ZNF521: variants seen among roughly 807,000 people sequenced by gnomAD.
ZNF521 encodes zinc finger protein 521, also known as LYST-interacting protein 3.
A neutral mutation model predicts 105.5 loss-of-function variants in ZNF521; 14 were observed. The observed-to-expected ratio is 0.13, with a 90% CI of 0.09 to 0.21. The LOEUF is 0.21. ZNF521 is among the 10% of genes least tolerant of loss of function. ZNF521 has a pLI of 1.00. For missense variants in ZNF521, 1,233 were observed against 1,629.7 expected, an observed-to-expected ratio of 0.76 and a Z score of 4.19; for synonymous variants, 635 against 606.0, an observed-to-expected ratio of 1.05 and a Z score of -0.70.
intron 4 of ZNF521, among the ~76,000 whole-genome samples, chr18:25,221,248 T>C (rs755504985): frequency 3.3e-5 from 5 of 152,226 alleles, no homozygotes; most frequent in Admixed American, 2.0e-4. Flanking sequence ...CTCTATTACA[T>C]AACAGCTACC....
intron 5 of ZNF521, among the ~76,000 whole-genome samples, chr18:25,103,713 C>T (rs1040213805): frequency 1.4e-5 from 2 of 143,968 alleles, no homozygotes; most frequent in Non-Finnish European, 3.0e-5. Flanking sequence ...CAAGAGCTAT[C>T]TAAGTGAGAC....
intron 3 of ZNF521, among the ~76,000 whole-genome samples, chr18:25,250,235 A>G (rs1357745450): frequency 4.6e-5 from 7 of 151,926 alleles, no homozygotes; most frequent in South Asian, 2.1e-4. Flanking sequence ...TTCAAGTTAC[A>G]TAATCTCACA....
At chr18:25,077,722 T>C (rs1351522116) in intron 7 of ZNF521, among the ~76,000 whole-genome samples, 1 of 152,206 alleles carries the variant, frequency 6.6e-6, no homozygotes, top group African/African-American at 2.4e-5. Flanking sequence ...TTTTTCATTC[T>C]GTCATTATAA....
rs758724829 is a variant in ZNF521, at chr18:25,117,810, G to A, written c.3659-25729C>T. The stretch of plus-strand genomic sequence containing the variant: ...GTAGTTTTAATGTGAGAAAGAAAAC[G>A]GGAAAAAATAATAGTTTAAAAAATA... On this transcript the variant is annotated intron_variant, in intron 5 of 7. Transcript: ENST00000361524. Among the ~76,000 whole-genome samples the A allele has an allele frequency of 7.2e-5, 11 of 151,762 alleles. No homozygotes were observed. The South Asian group carries it at 8.3e-4, about 11-fold the overall frequency.
intron 5 of ZNF521, among the ~76,000 whole-genome samples, chr18:25,161,622 G>A (rs1277083956): frequency 6.6e-6 from 1 of 152,156 alleles, no homozygotes; most frequent in Non-Finnish European, 1.5e-5. Flanking sequence ...TGAAGACAAT[G>A]AGCTGATTTG....
In ZNF521 at chr18:25,284,910, G is replaced by GCACACACA. The variant is rs45525437; in HGVS notation, c.220+37090_220+37097dup. Among the ~76,000 whole-genome samples, 383 of 148,680 alleles carry GCACACACA rather than the reference G, an allele frequency of 2.6e-3. 2 individuals carry two copies. The highest frequency in any genetic ancestry group is 3.9e-3 in the Non-Finnish European group (259 of 66,692). ...CAAACACTCATGTGCGTGCGCGCGC[G>GCACACACA]CACACACACACACACACACACACAG... On this transcript the variant is annotated intron_variant, in intron 3 of 7. Coordinates refer to ENST00000361524, the MANE Select transcript of ZNF521 (RefSeq NM_015461.3).
intron 2 of ZNF521, among the ~76,000 whole-genome samples, chr18:25,336,967 A>T (rs993866285): frequency 6.6e-6 from 1 of 152,204 alleles, no homozygotes; most frequent in African/African-American, 2.4e-5. Flanking sequence ...TACTAGTAGG[A>T]CCCTCATTTA....
At chr18:25,220,890 C>A (rs555732006) in intron 4 of ZNF521, among the ~76,000 whole-genome samples, 1 of 152,256 alleles carries the variant, frequency 6.6e-6, no homozygotes, top group African/African-American at 2.4e-5. Flanking sequence ...CCATGAACTC[C>A]AGAAGAATCA....
At chr18:25,186,516 A>G (rs904967810) in intron 5 of ZNF521, among the ~76,000 whole-genome samples, 4 of 152,216 alleles carry the variant, frequency 2.6e-5, no homozygotes, top group African/African-American at 9.6e-5. Context: ...AATTCTTTAC[A>G]GCATGTTGTC....
At chr18:25,085,725 CAT>C (rs527570723) in intron 7 of ZNF521, among the ~76,000 whole-genome samples, 4 of 150,318 alleles carry the variant, frequency 2.7e-5, no homozygotes, top group South Asian at 2.1e-4. Flanking sequence ...AACATTCCCT[CAT>C]ATATATATAT....
At chr18:25,116,075 C>T (rs2034295336) in intron 5 of ZNF521, among the ~76,000 whole-genome samples, 1 of 152,268 alleles carries the variant, frequency 6.6e-6, no homozygotes, top group South Asian at 2.1e-4. Context: ...GGCTCAAGAA[C>T]AATGGGTGAC....
chr18:25,267,965 C>T (rs144000580), intron 3 of ZNF521, among the ~76,000 whole-genome samples: 3,847 of 152,164 alleles, frequency 0.025, 146 homozygotes, highest in African/African-American at 0.085. Context: ...TTCAGAAGGT[C>T]AGTAATAACA....
intron 5 of ZNF521, among the ~76,000 whole-genome samples, chr18:25,182,286 T>G (rs2035644964): frequency 6.6e-6 from 1 of 152,202 alleles, no homozygotes; most frequent in Non-Finnish European, 1.5e-5. Context: ...CAGCTTAAGC[T>G]ATAATGAGTT....
intron 3 of ZNF521, among the ~76,000 whole-genome samples, chr18:25,304,594 G>A (rs1227655145): frequency 6.6e-6 from 1 of 152,116 alleles, no homozygotes; most frequent in African/African-American, 2.4e-5. Flanking sequence ...ACCAGAATTT[G>A]ACCTCGGGGT....
chr18:25,193,601 T>C (rs2035854738), intron 5 of ZNF521, among the ~76,000 whole-genome samples: 1 of 152,050 alleles, frequency 6.6e-6, no homozygotes, highest in Non-Finnish European at 1.5e-5. Context: ...GAATTCATTT[T>C]TTCTAAGCTG....
At position 25,271,477 on chromosome 18, in the gene ZNF521, AG is replaced by A. The variant is rs1432627677; in HGVS notation, c.221-43781del. ...ATAGCCATGACAATCCTAAGCAAAA[AG>A]AACAAAGCTGGAGGCATCACACTAC... On this transcript the variant is annotated intron_variant, in intron 3 of 7. Coordinates refer to ENST00000361524, the MANE Select transcript of ZNF521 (RefSeq NM_015461.3). Among the ~76,000 whole-genome samples the A allele has an allele frequency of 2.0e-5, 3 of 152,234 alleles. No homozygotes were observed. In the East Asian group the frequency reaches 5.8e-4, roughly 29 times the overall value.
chr18:25,104,720 T>C (rs894124045), intron 5 of ZNF521, among the ~76,000 whole-genome samples: 11 of 152,110 alleles, frequency 7.2e-5, no homozygotes, highest in Non-Finnish European at 1.5e-4. Context: ...ACAGGAGACG[T>C]AGGGTCTGAT....
intron 3 of ZNF521, among the ~76,000 whole-genome samples, chr18:25,286,783 G>A (rs998618730): frequency 3.9e-5 from 6 of 152,096 alleles, no homozygotes; most frequent in Non-Finnish European, 2.9e-5. Flanking sequence ...GGGAGGAGGG[G>A]AAGACGCAGA....
chr18:25,152,586 C>T (rs1387742845), intron 5 of ZNF521, among the ~76,000 whole-genome samples: 1 of 151,874 alleles, frequency 6.6e-6, no homozygotes, highest in East Asian at 1.9e-4. Flanking sequence ...GGGATTTTTA[C>T]TGCCAGAGAA....
Sources: allele counts gnomAD v4.1 joint callset (sites outside exome capture counted in the v4.1 genomes callset), GRCh38; gene constraint gnomAD v4.1.1; transcripts MANE v1.5; gene names NCBI Gene and HGNC (gene_info 2026-07-23, HGNC 2026-07-21).